The following MYCBP2 variants were observed in gnomAD, a reference collection of about 807,000 sequenced individuals.
MYCBP2 encodes MYC binding protein 2.
MYCBP2 carries 120 observed loss-of-function variants against 525.3 expected under a neutral mutation model. That is an observed-to-expected ratio of 0.23 (90% CI 0.20 to 0.27). MYCBP2 has a LOEUF of 0.27. MYCBP2 is among the 10% of genes least tolerant of loss of function. The pLI is 1.00. For missense variants in MYCBP2, 4,149 were observed against 5,657.1 expected, an observed-to-expected ratio of 0.73 and a Z score of 8.55; for synonymous variants, 1,894 against 1,955.8, an observed-to-expected ratio of 0.97 and a Z score of 0.83.
rs2059851445 is a variant in MYCBP2, at chr13:77,177,762, C to T, written c.5326G>A (p.Val1776Met). The T allele has an allele frequency of 1.2e-6, 2 of 1,612,956 alleles. No homozygotes were observed. The highest frequency in any genetic ancestry group is 1.6e-4 in the Middle Eastern group (1 of 6,082). ...GGGIHEYELE[V>M]LVDDSEHAGD... Reference sequence around the variant, plus strand: ...GTGATACTTACATCATCAACCAACACCTCTAATTCATATTCATGAATTCCA... The same window carrying T: ...GTGATACTTACATCATCAACCAACATCTCTAATTCATATTCATGAATTCCA... Residue 1776 changes from valine (V) to methionine (M), a missense_variant, in exon 35 of 83, where the codon GTG (valine) becomes ATG (methionine). Val to Met is a conservative substitution (Grantham distance 21). Transcript: ENST00000544440.
chr13:77,288,290 G>A lies in MYCBP2; in HGVS notation c.465C>T (p.Arg155=). ...TTTTCTGCCATTCCAGAACGCAATG[G>A]CGTACATTACAGTAAATATTGAAAG... ...PSAFNIYCNV[R]HCVLEWQKKE... The change falls in exon 3 of 83, where the codon CGC becomes CGT. Residue 155 remains arginine, a synonymous_variant. Transcript: ENST00000544440. 6.2e-7 allele frequency: 1 copy of A among 1,614,126 alleles called. No individual in the cohort carries two copies. The highest frequency in any genetic ancestry group is 8.5e-7 in the Non-Finnish European group (1 of 1,180,002).
intron 10 of MYCBP2, among the ~76,000 whole-genome samples, chr13:77,262,852 C>T (rs1235535676): frequency 2.7e-4 from 41 of 151,838 alleles, no homozygotes; most frequent in Admixed American, 2.7e-3. Flanking sequence ...TCTGTAATTT[C>T]AATTCAAGAT....
intron 4 of MYCBP2, among the ~76,000 whole-genome samples, chr13:77,275,702 G>A (rs931479867): frequency 2.1e-4 from 32 of 152,114 alleles, no homozygotes; most frequent in Admixed American, 1.8e-3. Context: ...AAGGAATCTT[G>A]GCCAGGCGCA....
chr13:77,257,885 T>G (rs2072519152), intron 13 of MYCBP2, 56 bp from the exon 14 acceptor site: 13 of 1,423,168 alleles, frequency 9.1e-6, no homozygotes, highest in Middle Eastern at 1.8e-4. Context: ...CTGAGCCTAG[T>G]AAAAGAACTA....
intron 26 of MYCBP2, among the ~76,000 whole-genome samples, chr13:77,199,953 A>C: frequency 6.6e-6 from 1 of 152,384 alleles, no homozygotes; most frequent in Middle Eastern, 3.4e-3. Context: ...AAAACAGAGC[A>C]GAAAAACTGG....
chr13:77,306,026 T>C (rs1386082153), intron 1 of MYCBP2, among the ~76,000 whole-genome samples: 5 of 152,124 alleles, frequency 3.3e-5, no homozygotes, highest in Admixed American at 6.5e-5. Flanking sequence ...TAACACAATA[T>C]TGAAGGTCAG....
At chr13:77,159,550 T>G (rs1305643986) in intron 44 of MYCBP2, among the ~76,000 whole-genome samples, 1 of 152,164 alleles carries the variant, frequency 6.6e-6, no homozygotes, top group Non-Finnish European at 1.5e-5. Flanking sequence ...AATCTCCACA[T>G]GTTGGGGGAG....
chr13:77,131,684 A>C (rs1293245818), intron 52 of MYCBP2, among the ~76,000 whole-genome samples: 1 of 152,236 alleles, frequency 6.6e-6, no homozygotes, highest in South Asian at 2.1e-4. Flanking sequence ...AGATTATTAT[A>C]AGCACAGCTT....
chr13:77,121,165 A>T, intron 55 of MYCBP2: 2 of 361,626 alleles, frequency 5.5e-6, no homozygotes, highest in Non-Finnish European at 9.3e-6. Context: ...TCATAAACTT[A>T]AGCCAAAACT....
In MYCBP2 at chr13:77,205,397, A is replaced by G. The variant is rs769931142; in HGVS notation, c.3716-14T>C. On this transcript the variant is annotated splice_polypyrimidine_tract_variant and intron_variant, in intron 25 of 82. Coordinates refer to ENST00000544440, the MANE Select transcript of MYCBP2 (RefSeq NM_015057.5). ...CTCCTCCATGACCTAGAATATATAA[A>G]TCATAATCTATGTTTTAAAAGATCC... 2.5e-6 allele frequency: 4 copies of G among 1,612,206 alleles called. No homozygotes were observed. The Admixed American group carries it at 6.7e-5, about 27-fold the overall frequency.
In MYCBP2 at chr13:77,061,359, A is replaced by G. The variant is rs943395367; in HGVS notation, c.12904-58T>C. 1.5e-5 allele frequency: 21 copies of G among 1,396,096 alleles called. No homozygotes were observed. In the African/African-American group the frequency reaches 2.9e-4, roughly 20 times the overall value. The allele number at this position is 1,396,096 out of a possible 1,614,324, so 86.5% of individuals were successfully genotyped here. A position where few individuals can be genotyped will look rare whatever the true frequency, so the allele number is the denominator to read the frequency against. ...GCTTATTTATCACTCTGAAAGGGAG[A>G]GTATAAAATTTAATTATTCAATAAT... On this transcript the variant is annotated intron_variant, in intron 75 of 82. Coordinates refer to ENST00000544440, the MANE Select transcript of MYCBP2 (RefSeq NM_015057.5).
At chr13:77,080,159 AT>A (rs1401613091) in intron 65 of MYCBP2, among the ~76,000 whole-genome samples, 5 of 152,194 alleles carry the variant, frequency 3.3e-5, no homozygotes, top group African/African-American at 1.2e-4. Flanking sequence ...TGAGGAGGAA[AT>A]AGCTCATATT....
At chr13:77,263,597 G>T in intron 10 of MYCBP2, 54 bp downstream of exon 10, 1 of 1,463,960 alleles carries the variant, frequency 6.8e-7, no homozygotes, top group Non-Finnish European at 9.4e-7. Context: ...ATTTTTAAGA[G>T]TATGAAAAAT....
At chr13:77,297,775 C>T (rs997288654) in intron 1 of MYCBP2, among the ~76,000 whole-genome samples, 4 of 152,182 alleles carry the variant, frequency 2.6e-5, no homozygotes, top group Non-Finnish European at 5.9e-5. Context: ...CCTTCAGTTT[C>T]ACTCTTGAAA....
chr13:77,086,413 T>C (rs2154113179), intron 62 of MYCBP2, among the ~76,000 whole-genome samples: 1 of 152,278 alleles, frequency 6.6e-6, no homozygotes, highest in East Asian at 1.9e-4. Context: ...TGATTCACTA[T>C]AATTTGTCCA....
intron 52 of MYCBP2, among the ~76,000 whole-genome samples, chr13:77,135,252 T>A (rs1304445846): frequency 6.6e-6 from 1 of 152,238 alleles, no homozygotes; most frequent in Non-Finnish European, 1.5e-5. Flanking sequence ...TTCATTTTTT[T>A]ATTGAGTCAT....
intron 76 of MYCBP2, among the ~76,000 whole-genome samples, chr13:77,060,133 C>T (rs1566323478): frequency 6.6e-6 from 1 of 151,924 alleles, no homozygotes; most frequent in Non-Finnish European, 1.5e-5. Flanking sequence ...GTTTGAAATA[C>T]TTAAAGAAGA....
intron 8 of MYCBP2, 21 bp downstream of exon 8, chr13:77,267,820 A>C (rs567906406): frequency 6.3e-7 from 1 of 1,582,816 alleles, no homozygotes; most frequent in South Asian, 1.1e-5. Context: ...TGTGGAGAAA[A>C]AATGACTACT....
chr13:77,232,875 T>C (rs541509275), intron 18 of MYCBP2, among the ~76,000 whole-genome samples: 1 of 152,342 alleles, frequency 6.6e-6, no homozygotes, highest in African/African-American at 2.4e-5. Context: ...TAATTATTTT[T>C]TCCACCTTCC....
Sources: gnomAD v4.1 joint callset for allele counts (sites outside exome capture counted in the v4.1 genomes callset) on GRCh38, gnomAD v4.1.1 for gene constraint, MANE v1.5 for transcripts, NCBI Gene and HGNC (gene_info 2026-07-23, HGNC 2026-07-21) for gene names.